The following TMEM132E variants were observed in gnomAD, a reference collection of about 807,000 sequenced individuals.
The protein encoded by TMEM132E is transmembrane protein 132E.
Under a neutral mutation model 78.5 loss-of-function variants are expected in TMEM132E, and 49 were observed. That is an observed-to-expected ratio of 0.62 (90% CI 0.50 to 0.79). TMEM132E has a LOEUF of 0.79. Ranked by LOEUF, TMEM132E falls within the 30% of genes least tolerant of loss-of-function variation. The pLI, the probability that TMEM132E is intolerant of heterozygous loss-of-function variation, is 0.00. For missense variants in TMEM132E, 1,403 were observed against 1,470.9 expected, an observed-to-expected ratio of 0.95 and a Z score of 0.75; for synonymous variants, 715 against 670.6, an observed-to-expected ratio of 1.07 and a Z score of -1.02.
chr17:34,587,032 A>T (rs368839739), intron 1 of TMEM132E, among the ~76,000 whole-genome samples: 7 of 152,086 alleles, frequency 4.6e-5, no homozygotes, highest in African/African-American at 1.7e-4. Context: ...AGTGGGCAGG[A>T]TGTGTGCTTG....
chr17:34,629,745 CA>C (rs1228313463), intron 4 of TMEM132E, among the ~76,000 whole-genome samples: 2 of 152,042 alleles, frequency 1.3e-5, no homozygotes, highest in African/African-American at 4.8e-5. Context: ...GAGGAGATGG[CA>C]GGGGCCTGGG....
At position 34,636,190 on chromosome 17, in the gene TMEM132E, C is replaced by A. The variant is rs546893296; in HGVS notation, c.2161C>A (p.Leu721Ile). ...TTAAQQTLSF[L>I]KQEALLSLWL... is the part of the protein sequence containing the mutation. ...AGCTGCCCAACAGACCTTGAGCTTC[C>A]TCAAGCAGGTAACTGGCTCCTTGGC... The change falls in exon 8 of 9, where the codon CTC becomes ATC. Residue 721 changes from leucine to isoleucine, a missense_variant. This residue lies in a region of TMEM132E where 888 missense variants were observed against 952.8 expected (regional missense o/e 0.93). Transcript: ENST00000631683. 6.7e-7 allele frequency: 1 copy of A among 1,501,134 alleles called. No homozygotes were observed. Among genetic ancestry groups the A allele is most frequent in the Non-Finnish European group, 8.9e-7 (1 of 1,124,406 alleles). The allele number at this position is 1,501,134 out of a possible 1,614,324, so 93.0% of individuals were successfully genotyped here. A position where few individuals can be genotyped will look rare whatever the true frequency, so the allele number is the denominator to read the frequency against.
At chr17:34,600,620 C>T (rs1906210253) in intron 1 of TMEM132E, among the ~76,000 whole-genome samples, 1 of 152,050 alleles carries the variant, frequency 6.6e-6, no homozygotes, top group South Asian at 2.1e-4. Context: ...GTAGGAGGGC[C>T]TGAGTGACTG....
At chr17:34,602,175 GAC>G (rs1227790666) in intron 1 of TMEM132E, among the ~76,000 whole-genome samples, 4 of 152,260 alleles carry the variant, frequency 2.6e-5, no homozygotes, top group African/African-American at 9.6e-5. Context: ...TCCAGAGAGA[GAC>G]AGCTGCCTCC....
intron 1 of TMEM132E, among the ~76,000 whole-genome samples, chr17:34,609,981 C>T (rs541061805): frequency 2.7e-4 from 41 of 152,310 alleles, no homozygotes; most frequent in Middle Eastern, 6.8e-3. Flanking sequence ...CCACTTGCCA[C>T]TCTGTTCCCT....
chr17:34,590,108 C>T (rs1905817408), intron 1 of TMEM132E, among the ~76,000 whole-genome samples: 2 of 152,186 alleles, frequency 1.3e-5, no homozygotes, highest in East Asian at 1.9e-4. Context: ...TGCCAGCCCT[C>T]CTGCCTGGGA....
Position 34,637,554 on chromosome 17 carries a change from A to T in TMEM132E, c.2547A>T (p.Leu849=), listed in dbSNP as rs750012279. Residue 849 remains leucine (L), a synonymous_variant, in exon 9 of 9, where the codon CTA becomes CTT. Transcript: ENST00000631683. ...GAGCTGGCCCGCCGGGCTCTGCGCT[A>T]CCCGCACCGGAGGCTCCAGGCCCGG... The part of the protein sequence containing the change: ...ARGAGPPGSA[L]PAPEAPGPGT... The T allele has an allele frequency of 4.2e-5, 67 of 1,598,986 alleles. No homozygotes were observed. The highest frequency in any genetic ancestry group is 1.5e-4 in the Admixed American group (9 of 59,418).
chr17:34,619,074 C>G, intron 1 of TMEM132E, among the ~76,000 whole-genome samples: 1 of 152,240 alleles, frequency 6.6e-6, no homozygotes, highest in East Asian at 1.9e-4. Context: ...TCCTCCAGGT[C>G]TGGGTTGGGG....
rs554217686 is a variant in TMEM132E, at chr17:34,619,390, C to T, written c.68-6737C>T. On this transcript the variant is annotated intron_variant, in intron 1 of 8. Coordinates refer to ENST00000631683, the MANE Select transcript of TMEM132E (RefSeq NM_001304438.2). ...TTCCAAGCATCTGCCATAATAACAA[C>T]GCCTGGAATGCTTCATAAATATACA... 5.0e-4 allele frequency among the ~76,000 whole-genome samples: 73 copies of T among 147,142 alleles called. 1 individual carries two copies. Among genetic ancestry groups the T allele is most frequent in the African/African-American group, 1.6e-3 (62 of 39,546 alleles).
At chr17:34,617,477 A>AATAAACTAAAATAAAT (rs1906821113) in intron 1 of TMEM132E, among the ~76,000 whole-genome samples, 1 of 152,208 alleles carries the variant, frequency 6.6e-6, no homozygotes, top group Non-Finnish European at 1.5e-5. Context: ...CCCTCCTCTC[A>AATAAACTAAAATAAAT]GAACTAAATA....
At chr17:34,596,284 A>ATG (rs1195683042) in intron 1 of TMEM132E, among the ~76,000 whole-genome samples, 2 of 152,212 alleles carry the variant, frequency 1.3e-5, no homozygotes, top group African/African-American at 4.8e-5. Context: ...ATCTTACACC[A>ATG]TGTAAGCCTC....
At position 34,626,122 on chromosome 17, in the gene TMEM132E, C is replaced by T; in HGVS notation, c.68-5C>T. The stretch of plus-strand genomic sequence containing the variant: ...CCTGGGCCTCTTTCCTCTGTCTGTC[C>T]CCAGCCTCTGGCCGCTCCCACCCGG... On this transcript the variant is annotated splice_polypyrimidine_tract_variant and splice_region_variant and intron_variant, in intron 1 of 8. Transcript: ENST00000631683. The T allele has an allele frequency of 4.0e-6, 6 of 1,508,678 alleles. No individual in the cohort carries two copies. Among genetic ancestry groups the T allele is most frequent in the Non-Finnish European group, 5.3e-6 (6 of 1,132,900 alleles). 93.5% of individuals were successfully genotyped at this position (1,508,678 alleles called of 1,614,324 possible).
intron 1 of TMEM132E, among the ~76,000 whole-genome samples, chr17:34,613,571 A>T (rs1567716156): frequency 1.3e-5 from 2 of 151,002 alleles, no homozygotes; most frequent in Non-Finnish European, 3.0e-5. Flanking sequence ...TTCTCTCTCC[A>T]GGCTTATCTC....
Position 34,637,843 on chromosome 17 carries a change from G to C in TMEM132E, c.2836G>C (p.Val946Leu). 1 of 1,610,476 alleles carries C rather than the reference G, an allele frequency of 6.2e-7. No individual in the cohort carries two copies. Residue 946 changes from valine to leucine, a missense_variant, in exon 9 of 9, where the codon GTG becomes CTG. This residue lies in a region of TMEM132E where 888 missense variants were observed against 952.8 expected (regional missense o/e 0.93). Transcript: ENST00000631683. ...VFLGNGQPLR[V>L]QGELSPPAGN... ...CCTGGGCAACGGGCAGCCGCTGCGGGTGCAAGGAGAGCTGTCGCCGCCAGC... is the reference window on the plus strand; with the variant it reads ...CCTGGGCAACGGGCAGCCGCTGCGGCTGCAAGGAGAGCTGTCGCCGCCAGC...
At position 34,630,262 on chromosome 17, in the gene TMEM132E, A is replaced by C. The variant is rs1907310814; in HGVS notation, c.1482+111A>C. ...ACTCTTACTCATCCTCTAACACTGA[A>C]CCCAGGCCTCCCTGTGCTGGGACCC... On this transcript the variant is annotated intron_variant, in intron 5 of 8. Transcript: ENST00000631683. 8 of 1,187,258 alleles carry C rather than the reference A, an allele frequency of 6.7e-6. No individual in the cohort carries two copies. In the South Asian group the frequency reaches 1.3e-4, roughly 19 times the overall value. 73.5% of individuals were successfully genotyped at this position (1,187,258 alleles called of 1,614,324 possible).
intron 1 of TMEM132E, among the ~76,000 whole-genome samples, chr17:34,613,211 A>ACACGCGCG: frequency 0.016 from 1,840 of 115,828 alleles, 41 homozygotes; most frequent in Non-Finnish European, 0.019. Context: ...ACACACACAC[A>ACACGCGCG]CGCGCGCGCG....
chr17:34,613,217 G>GCA (rs1567716042), intron 1 of TMEM132E, among the ~76,000 whole-genome samples: 2 of 136,894 alleles, frequency 1.5e-5, no homozygotes, highest in African/African-American at 5.1e-5. Flanking sequence ...ACACACGCGC[G>GCA]CGCGCGCGCG....
chr17:34,582,181 C>T (rs959266766), intron 1 of TMEM132E, among the ~76,000 whole-genome samples: 1 of 151,612 alleles, frequency 6.6e-6, no homozygotes, highest in East Asian at 2.0e-4. Context: ...TTTCGATGCT[C>T]CACGCTGAGG....
intron 1 of TMEM132E, among the ~76,000 whole-genome samples, chr17:34,610,939 G>A (rs1222036885): frequency 2.6e-5 from 4 of 152,240 alleles, no homozygotes; most frequent in Non-Finnish European, 5.9e-5. Flanking sequence ...GTGTGATTTA[G>A]TGTGTTAATG....
Sources: allele counts gnomAD v4.1 joint callset (sites outside exome capture counted in the v4.1 genomes callset), GRCh38; gene constraint gnomAD v4.1.1; regional missense constraint gnomAD v4.1.1; transcripts MANE v1.5; gene names NCBI Gene and HGNC (gene_info 2026-07-23, HGNC 2026-07-21).